PTPRG: variants seen among roughly 807,000 people sequenced by gnomAD.
PTPRG encodes the protein protein tyrosine phosphatase receptor type G.
PTPRG carries 102 observed loss-of-function variants against 165.3 expected under a neutral mutation model. The observed-to-expected ratio is 0.62, with a 90% CI of 0.53 to 0.73. The LOEUF (loss-of-function observed/expected upper bound fraction) is 0.73, where lower values mean the gene tolerates loss of function less well. PTPRG is among the 30% of genes least tolerant of loss of function. The probability of loss-of-function intolerance (pLI) is 0.00; values close to 1 mark genes in which losing one functional copy is unlikely to be tolerated. For missense variants in PTPRG, 1,866 were observed against 1,861.4 expected (o/e 1.00, Z -0.05); for synonymous variants, 675 against 669.5 (o/e 1.01, Z -0.13).
intron 1 of PTPRG, among the ~76,000 whole-genome samples, chr3:61,578,792 A>C (rs945659315): frequency 2.0e-5 from 3 of 152,194 alleles, no homozygotes; most frequent in Non-Finnish European, 4.4e-5. Context: ...ATGCAAAGGC[A>C]CAGCTGGGAA....
intron 10 of PTPRG, among the ~76,000 whole-genome samples, chr3:62,197,755 T>A (rs1234566061): frequency 6.6e-6 from 1 of 152,216 alleles, no homozygotes; most frequent in Non-Finnish European, 1.5e-5. Context: ...CTGCATGGAC[T>A]TTGAAAAATT....
chr3:61,993,879 G>A (rs143607134), intron 3 of PTPRG, among the ~76,000 whole-genome samples: 2 of 152,034 alleles, frequency 1.3e-5, no homozygotes, highest in African/African-American at 4.8e-5. Context: ...TATTTAAAGC[G>A]GCCTATTACA....
At chr3:61,861,114 A>C (rs2107403034) in intron 2 of PTPRG, among the ~76,000 whole-genome samples, 1 of 152,310 alleles carries the variant, frequency 6.6e-6, no homozygotes, top group Middle Eastern at 3.4e-3. Context: ...AATCATCCAA[A>C]TTGTTGAAGA....
In PTPRG at chr3:62,195,034, T is replaced by C; in HGVS notation, c.1219-28T>C. 1 of 1,606,914 alleles carries C rather than the reference T, an allele frequency of 6.2e-7. No homozygotes were observed. On this transcript the variant is annotated intron_variant, in intron 9 of 29. Coordinates refer to ENST00000474889, the MANE Select transcript of PTPRG (RefSeq NM_002841.4). This position sits in a 1 kb window ranked among gnomAD's most constrained non-coding sequence, Gnocchi z 4.4. ...GTGTGCCTTGGCCTTCAAAACTAACTCACTGCTTTTTCCTTCTTTACTTAC... is the reference window on the plus strand; with the variant it reads ...GTGTGCCTTGGCCTTCAAAACTAACCCACTGCTTTTTCCTTCTTTACTTAC...
intron 1 of PTPRG, among the ~76,000 whole-genome samples, chr3:61,691,230 T>G (rs1295039622): frequency 6.6e-6 from 1 of 152,060 alleles, no homozygotes; most frequent in East Asian, 1.9e-4. Context: ...CTGGGCAACA[T>G]AGAGAGACCC....
chr3:61,651,238 C>G (rs1225036229), intron 1 of PTPRG, among the ~76,000 whole-genome samples: 1 of 151,586 alleles, frequency 6.6e-6, no homozygotes. Context: ...CATCTGGTAT[C>G]TTGGTAGGGT....
intron 5 of PTPRG, among the ~76,000 whole-genome samples, chr3:62,123,408 G>C (rs544388808): frequency 2.6e-4 from 40 of 152,166 alleles, no homozygotes; most frequent in African/African-American, 9.6e-4. Context: ...ACCAAACACT[G>C]GCTAATGTTT....
chr3:61,920,284 C>G (rs1373727969), intron 2 of PTPRG, among the ~76,000 whole-genome samples: 2 of 152,204 alleles, frequency 1.3e-5, no homozygotes, highest in African/African-American at 4.8e-5. Flanking sequence ...TCTAGAAATG[C>G]TCATCACTCT....
chr3:61,614,418 CTTTTTTT>C (rs550755163), intron 1 of PTPRG, among the ~76,000 whole-genome samples: 1 of 117,694 alleles, frequency 8.5e-6, no homozygotes, highest in Non-Finnish European at 1.6e-5. Flanking sequence ...TTAATAATAC[CTTTTTTT>C]TTTTTTTTTT....
Position 61,562,264 on chromosome 3 carries a change from T to G in PTPRG, c.-24T>G. 6.2e-7 allele frequency: 1 copy of G among 1,609,162 alleles called. No individual in the cohort carries two copies. The highest frequency in any genetic ancestry group is 8.5e-7 in the Non-Finnish European group (1 of 1,175,622). Reference sequence around the variant, plus strand: ...CAACAAGTTTACCTCCCTGCTTTCCTCTTTTCGATGTGCGTTTTCGGACAT... The same window carrying G: ...CAACAAGTTTACCTCCCTGCTTTCCGCTTTTCGATGTGCGTTTTCGGACAT... On this transcript the variant is annotated 5_prime_UTR_variant, in exon 1 of 30. Transcript: ENST00000474889.
Position 61,599,617 on chromosome 3 carries a change from C to G in PTPRG, c.85+37245C>G, listed in dbSNP as rs182385474. The stretch of plus-strand genomic sequence containing the variant: ...AAGTGGTCCTCCCAACTTAGGTTCC[C>G]AAGTAGCGGGGACTACAGGTGCACA... On this transcript the variant is annotated intron_variant, in intron 1 of 29. Transcript: ENST00000474889. Among the ~76,000 whole-genome samples, 349 of 151,938 alleles carry G rather than the reference C, an allele frequency of 2.3e-3. 9 individuals are homozygous for G. In the East Asian group the frequency reaches 0.046, roughly 20 times the overall value.
intron 1 of PTPRG, among the ~76,000 whole-genome samples, chr3:61,661,315 G>T (rs1162082756): frequency 1.9e-5 from 1 of 53,262 alleles, no homozygotes; most frequent in East Asian, 4.7e-4. Context: ...TTTTATAAAA[G>T]TTTCCTTTTT....
At chr3:62,049,581 G>T (rs1700406470) in intron 4 of PTPRG, among the ~76,000 whole-genome samples, 1 of 152,194 alleles carries the variant, frequency 6.6e-6, no homozygotes, top group African/African-American at 2.4e-5. Flanking sequence ...ATCAACTGGA[G>T]TGGAATGGCT....
chr3:62,235,416 A>G (rs1013413768), intron 14 of PTPRG, among the ~76,000 whole-genome samples: 6 of 152,194 alleles, frequency 3.9e-5, no homozygotes, highest in African/African-American at 1.4e-4. Flanking sequence ...CACTTTCTCA[A>G]AGCCAGCTAA....
intron 1 of PTPRG, among the ~76,000 whole-genome samples, chr3:61,568,330 T>C (rs1435082188): frequency 6.6e-6 from 1 of 152,222 alleles, no homozygotes; most frequent in African/African-American, 2.4e-5. Context: ...AAGTCTGTGA[T>C]GATTGAGATG....
rs1258517983 is a variant in PTPRG at position 62,294,992 on chromosome 3, T to TAAAGA, written c.*1687_*1691dup. The TAAAGA allele has an allele frequency of 6.6e-6, 1 of 152,064 alleles. No homozygotes were observed. The highest frequency in any genetic ancestry group is 2.4e-5 in the African/African-American group (1 of 41,410). The allele number at this position is 152,064 out of a possible 1,614,324, so 9.4% of individuals were successfully genotyped here. ...AGGAGAAAGAAGCTATGGGCCAAGT[T>TAAAGA]AAAGAATTTGAATGCAAAGGCCAGG... On this transcript the variant is annotated 3_prime_UTR_variant, in exon 30 of 30. Transcript: ENST00000474889.
At chr3:61,646,507 A>G (rs1473256813) in intron 1 of PTPRG, among the ~76,000 whole-genome samples, 1 of 152,170 alleles carries the variant, frequency 6.6e-6, no homozygotes, top group Non-Finnish European at 1.5e-5. Flanking sequence ...TTATTCCCCT[A>G]GAGGAGTTCT....
At chr3:61,922,775 G>A (rs2039111244) in intron 2 of PTPRG, among the ~76,000 whole-genome samples, 1 of 152,172 alleles carries the variant, frequency 6.6e-6, no homozygotes, top group Admixed American at 6.5e-5. Context: ...TGAATAGCTG[G>A]GATTACAGGT....
At position 62,132,666 on chromosome 3, in the gene PTPRG, A is replaced by C. The variant is rs1290478392; in HGVS notation, c.680A>C (p.His227Pro). The C allele has an allele frequency of 6.2e-7, 1 of 1,606,316 alleles. No individual in the cohort carries two copies. Among genetic ancestry groups the C allele is most frequent in the African/African-American group, 1.3e-5 (1 of 74,722 alleles). ...IIHGLKGVVH[H>P]EKETFLDPFV... is the part of the protein sequence containing the mutation. ...CACGGGTTGAAGGGTGTCGTACATC[A>C]TGGTAAGTATGCCACATACACTTCC... The change falls in exon 6 of 30, where the codon CAT becomes CCT. Residue 227 changes from histidine (H) to proline (P), a missense_variant and splice_region_variant. His to Pro is a moderately conservative substitution (Grantham distance 77, BLOSUM62 -2). Around this residue, in one of 3 missense-constraint regions of PTPRG, gnomAD observed 408 missense variants for 376.2 expected, o/e 1.08. Transcript: ENST00000474889.
Sources: gnomAD v4.1 joint callset for allele counts (sites outside exome capture counted in the v4.1 genomes callset) on GRCh38, gnomAD v4.1.1 for gene constraint, gnomAD v4.1.1 regional missense constraint, Gnocchi (gnomAD v3.1) non-coding constraint, MANE v1.5 for transcripts, NCBI Gene and HGNC (gene_info 2026-07-23, HGNC 2026-07-21) for gene names.